The following PCDH1 variants were observed in gnomAD, a reference collection of about 807,000 sequenced individuals.
The protein encoded by PCDH1 is protocadherin 1.
Under a neutral mutation model 74.6 loss-of-function variants are expected in PCDH1, and 23 were observed. The ratio of observed to expected loss-of-function variants is 0.31; its 90% CI spans 0.22 to 0.44. The LOEUF (loss-of-function observed/expected upper bound fraction) is 0.44, where lower values mean the gene tolerates loss of function less well. Ranked by LOEUF, PCDH1 falls within the 20% of genes least tolerant of loss-of-function variation. PCDH1 has a pLI of 1.00. For missense variants in PCDH1, 1,214 were observed against 1,641.4 expected, an observed-to-expected ratio of 0.74 and a Z score of 4.50; for synonymous variants, 647 against 686.1, an observed-to-expected ratio of 0.94 and a Z score of 0.89.
rs1561482597 is a variant in PCDH1, at chr5:141,864,553, T to C, written c.1778A>G (p.Gln593Arg). ...VAADRGSPSL[Q>R]GTATVLVNVL... ...ATTGACAAGGACAGTGGCTGTGCCC[T>C]GGAGGCTAGGACTGCCCCGGTCAGC... Residue 593 changes from glutamine to arginine, a missense_variant, in exon 3 of 5, where the codon CAG becomes CGG. Physicochemically the swap from Gln to Arg is conservative, Grantham distance 43 (BLOSUM62 1). Transcript: ENST00000287008. The surrounding 1 kb of genome is among the most constrained non-coding windows in gnomAD (Gnocchi z 5.9). 6.2e-7 allele frequency: 1 copy of C among 1,613,962 alleles called. No individual in the cohort carries two copies. Among genetic ancestry groups the C allele is most frequent in the Non-Finnish European group, 8.5e-7 (1 of 1,180,032 alleles).
At chr5:141,858,423 C>G (rs1265637826) in intron 3 of PCDH1, among the ~76,000 whole-genome samples, 3 of 152,184 alleles carry the variant, frequency 2.0e-5, no homozygotes, top group Non-Finnish European at 4.4e-5. Context: ...GAAAGCTGGT[C>G]TCAAAGGGAG....
intron 1 of PCDH1, among the ~76,000 whole-genome samples, chr5:141,873,707 G>A (rs1360980178): frequency 7.0e-6 from 1 of 143,296 alleles, no homozygotes; most frequent in South Asian, 2.2e-4. Context: ...ATCCTCCTGC[G>A]TCAGCCTCCC....
chr5:141,855,595 T>A (rs1752304930), intron 4 of PCDH1, among the ~76,000 whole-genome samples: 3 of 152,026 alleles, frequency 2.0e-5, no homozygotes, highest in Non-Finnish European at 1.5e-5. Flanking sequence ...CCCTCAAGCT[T>A]CACATGCTCC....
At position 141,864,828 on chromosome 5, in the gene PCDH1, G is replaced by A; in HGVS notation, c.1503C>T (p.Asp501=). The A allele has an allele frequency of 6.2e-7, 1 of 1,614,208 alleles. No individual in the cohort carries two copies. The highest frequency in any genetic ancestry group is 1.1e-5 in the South Asian group (1 of 91,088). The change falls in exon 3 of 5, where the codon GAC becomes GAT. Residue 501 remains aspartate (D), a synonymous_variant. Coordinates refer to ENST00000287008, the MANE Select transcript of PCDH1 (RefSeq NM_032420.5). This position sits in a 1 kb window ranked among gnomAD's most constrained non-coding sequence, Gnocchi z 5.9. ...CACTCTGAGTGAAGACAGGTGCGTT[G>A]TCATTGACGTCCACCACCTGCACCT... The part of the protein sequence containing the change: ...SLKVQVVDVN[D]NAPVFTQSVT...
intron 1 of PCDH1, among the ~76,000 whole-genome samples, chr5:141,874,668 C>A (rs769580112): frequency 6.6e-6 from 1 of 152,178 alleles, no homozygotes; most frequent in Admixed American, 6.5e-5. Flanking sequence ...CAGCCCACCC[C>A]GGGGACCAAG....
chr5:141,858,216 C>T (rs144006970), intron 3 of PCDH1, among the ~76,000 whole-genome samples: 20 of 152,304 alleles, frequency 1.3e-4, no homozygotes, highest in African/African-American at 4.8e-4. Flanking sequence ...CACTTCACTC[C>T]CCTCCAGAGA....
At chr5:141,874,862 G>A (rs1029837994) in intron 1 of PCDH1, among the ~76,000 whole-genome samples, 1 of 152,104 alleles carries the variant, frequency 6.6e-6, no homozygotes, top group Non-Finnish European at 1.5e-5. Context: ...AGAAAATGGG[G>A]TTGCGTGGGG....
chr5:141,866,174 G>C, intron 2 of PCDH1: 1 of 985,522 alleles, frequency 1.0e-6, no homozygotes, highest in Non-Finnish European at 1.2e-6. Context: ...CCACCGCTCT[G>C]TCAAACCGGG....
chr5:141,857,851 C>T lies in PCDH1; in HGVS notation c.3100-380G>A, dbSNP rs150549281. 6.6e-3 allele frequency among the ~76,000 whole-genome samples: 1,012 copies of T among 152,310 alleles called. 4 individuals are homozygous for T. Among genetic ancestry groups the T allele is most frequent in the Non-Finnish European group, 0.011 (749 of 68,034 alleles). On this transcript the variant is annotated intron_variant, in intron 3 of 4. Coordinates refer to ENST00000287008, the MANE Select transcript of PCDH1 (RefSeq NM_032420.5). The stretch of plus-strand genomic sequence containing the variant: ...AGCCTCCCTTTAATCCCAGAATGAC[C>T]TGTAATACGGTGTAGAGCCCAATAC...
chr5:141,856,163 G>T, intron 4 of PCDH1: 1 of 1,472,778 alleles, frequency 6.8e-7, no homozygotes, highest in Non-Finnish European at 9.2e-7. Context: ...CACTGGGTGG[G>T]TGAGGCTGGG....
At chr5:141,872,139 C>T (rs1249099180) in intron 1 of PCDH1, among the ~76,000 whole-genome samples, 1 of 145,970 alleles carries the variant, frequency 6.9e-6, no homozygotes, top group African/African-American at 2.7e-5. Flanking sequence ...CCCCCCCCCT[C>T]CACCTGCATG....
chr5:141,858,011 A>C (rs1752415945), intron 3 of PCDH1, among the ~76,000 whole-genome samples: 1 of 152,220 alleles, frequency 6.6e-6, no homozygotes. Context: ...ATACCACAAC[A>C]GTTAGTTCCC....
intron 3 of PCDH1, among the ~76,000 whole-genome samples, chr5:141,859,221 C>G (rs1752477047): frequency 6.6e-6 from 1 of 152,106 alleles, no homozygotes; most frequent in Non-Finnish European, 1.5e-5. Context: ...GTTGGTGCTT[C>G]TCTTTCCAGT....
At chr5:141,867,292 C>T (rs1350641815) in intron 2 of PCDH1, among the ~76,000 whole-genome samples, 2 of 152,172 alleles carry the variant, frequency 1.3e-5, no homozygotes, top group African/African-American at 2.4e-5. Context: ...ACTCTCTGCC[C>T]TACTCTCCCG....
chr5:141,854,394 G>GATCCCCC lies in PCDH1; in HGVS notation c.3361_3362insGGGGGAT (p.Thr1121ArgfsTer8). The GATCCCCC allele has an allele frequency of 1.2e-6, 2 of 1,613,092 alleles. No homozygotes were observed. The highest frequency in any genetic ancestry group is 8.5e-7 in the Non-Finnish European group (1 of 1,179,776). On this transcript the variant is annotated frameshift_variant, in exon 5 of 5. Transcript: ENST00000287008. LOFTEE classifies it high-confidence loss of function. Reference sequence around the variant, plus strand: ...GTGGCCAAACTCACTGCACTCCCGGGTACATGTGCCTGTCATGGCGACATC... The same window carrying GATCCCCC: ...GTGGCCAAACTCACTGCACTCCCGGGATCCCCCTACATGTGCCTGTCATGGCGACATC...
chr5:141,862,793 C>CA, intron 3 of PCDH1: 1 of 1,039,874 alleles, frequency 9.6e-7, no homozygotes, highest in South Asian at 4.6e-5. Context: ...ACTCCCCACT[C>CA]AGTTATCCAC....
At chr5:141,856,896 G>A (rs1187263694) in intron 4 of PCDH1, among the ~76,000 whole-genome samples, 1 of 152,118 alleles carries the variant, frequency 6.6e-6, no homozygotes, top group Non-Finnish European at 1.5e-5. Flanking sequence ...CCACACTCAG[G>A]GTCCCTGTTC....
At position 141,870,256 on chromosome 5, in the gene PCDH1, GTGCACACATGCCCCAGAGCA is replaced by G. The variant is rs371394570; in HGVS notation, c.41-845_41-826del. 8.4e-3 allele frequency among the ~76,000 whole-genome samples: 1,274 copies of G among 152,148 alleles called. 17 individuals are homozygous for G. Among genetic ancestry groups the G allele is most frequent in the African/African-American group, 0.027 (1,116 of 41,512 alleles). ...AGAACGTGCACACAGGCCACAGAGC[GTGCACACATGCCCCAGAGCA>G]TGCACACATGCCCCAGAGCATGCAC... On this transcript the variant is annotated intron_variant, in intron 1 of 4. Coordinates refer to ENST00000287008, the MANE Select transcript of PCDH1 (RefSeq NM_032420.5).
Position 141,878,280 on chromosome 5 carries a change from G to T in PCDH1, c.-18C>A. 7.9e-7 allele frequency: 1 copy of T among 1,268,634 alleles called. No homozygotes were observed. The highest frequency in any genetic ancestry group is 9.9e-7 in the Non-Finnish European group (1 of 1,011,600). 78.6% of individuals were successfully genotyped at this position (1,268,634 alleles called of 1,614,324 possible). ...CTGTCCATGAGCCGCCGCCGGCCCC[G>T]GCCTGGGCTGCGGCTCCGCACGGCT... On this transcript the variant is annotated 5_prime_UTR_variant, in exon 1 of 5. Coordinates refer to ENST00000287008, the MANE Select transcript of PCDH1 (RefSeq NM_032420.5). The surrounding 1 kb of genome is among the most constrained non-coding windows in gnomAD (Gnocchi z 5.5).
Sources: gnomAD v4.1 joint callset for allele counts (sites outside exome capture counted in the v4.1 genomes callset) on GRCh38, gnomAD v4.1.1 for gene constraint, Gnocchi (gnomAD v3.1) non-coding constraint, MANE v1.5 for transcripts, NCBI Gene and HGNC (gene_info 2026-07-23, HGNC 2026-07-21) for gene names.